The following TRPM3 variants were observed in gnomAD, a reference collection of about 807,000 sequenced individuals.
TRPM3 encodes the protein long transient receptor potential channel 3.
Under a neutral mutation model 181.2 loss-of-function variants are expected in TRPM3, and 77 were observed. That is an observed-to-expected ratio of 0.42 (90% CI 0.35 to 0.51). The LOEUF is 0.51. Among genes scored for constraint, TRPM3 ranks in the 20% least tolerant of loss-of-function variants. TRPM3 has a pLI of 0.01. For synonymous variants in TRPM3, 745 were observed against 796.4 expected (o/e 0.94, Z 1.09); for missense variants, 1,759 against 2,196.7 (o/e 0.80, Z 3.98).
chr9:71,068,474 G>A (rs571949478), intron 1 of TRPM3, among the ~76,000 whole-genome samples: 1 of 152,256 alleles, frequency 6.6e-6, no homozygotes, highest in South Asian at 2.1e-4. Flanking sequence ...GGTGGCAGTG[G>A]GACCAGGATG....
chr9:71,052,972 T>C (rs1254469190), intron 1 of TRPM3, among the ~76,000 whole-genome samples: 1 of 149,858 alleles, frequency 6.7e-6, no homozygotes, highest in Non-Finnish European at 1.5e-5. Flanking sequence ...GAAAATATAA[T>C]AACAAAAACA....
chr9:70,860,948 A>G (rs2095505296), intron 3 of TRPM3, among the ~76,000 whole-genome samples: 1 of 152,178 alleles, frequency 6.6e-6, no homozygotes, highest in Non-Finnish European at 1.5e-5. Context: ...AGAAAATTTA[A>G]GTAATTTTCT....
At chr9:71,145,618 G>T (rs2075362144) in intron 1 of TRPM3, among the ~76,000 whole-genome samples, 1 of 152,036 alleles carries the variant, frequency 6.6e-6, no homozygotes, top group African/African-American at 2.4e-5. Context: ...ATTTTCTCAT[G>T]TAAAATCCAT....
intron 8 of TRPM3, among the ~76,000 whole-genome samples, chr9:70,753,895 G>C (rs1415223586): frequency 6.6e-6 from 1 of 152,246 alleles, no homozygotes; most frequent in East Asian, 1.9e-4. Flanking sequence ...GGGGAGTAGA[G>C]TGAATGATAG....
rs905034688 is a variant in TRPM3, at chr9:70,599,088, C to T, written c.2797-418G>A. ...ACATCCTCTGCACCAAGTCCTATCA[C>T]CTCTATTTCTAAATGCAACCTAGCC... On this transcript the variant is annotated intron_variant, in intron 20 of 25. Transcript: ENST00000677713. Among the ~76,000 whole-genome samples, 3 of 152,108 alleles carry T rather than the reference C, an allele frequency of 2.0e-5. No homozygotes were observed. The South Asian group carries it at 6.2e-4, about 32-fold the overall frequency.
intron 1 of TRPM3, among the ~76,000 whole-genome samples, chr9:70,915,258 A>T (rs1347089112): frequency 6.6e-6 from 1 of 152,120 alleles, no homozygotes; most frequent in Admixed American, 6.5e-5. Flanking sequence ...AATTTTTAAA[A>T]ATCAAGGAGA....
At chr9:70,785,061 T>C (rs1163263446) in intron 6 of TRPM3, among the ~76,000 whole-genome samples, 1 of 152,138 alleles carries the variant, frequency 6.6e-6, no homozygotes, top group Non-Finnish European at 1.5e-5. Context: ...AACAGCATGA[T>C]TGTCATGTTG....
chr9:71,230,159 GCAACAA>G (rs2080955408), intron 1 of TRPM3, among the ~76,000 whole-genome samples: 1 of 152,140 alleles, frequency 6.6e-6, no homozygotes, highest in South Asian at 2.1e-4. Flanking sequence ...TCTGTCATTT[GCAACAA>G]CATGGATAGA....
intron 1 of TRPM3, among the ~76,000 whole-genome samples, chr9:71,186,014 C>A (rs1047660666): frequency 6.6e-6 from 1 of 152,012 alleles, no homozygotes; most frequent in Non-Finnish European, 1.5e-5. Context: ...TTGCCTCTTC[C>A]TAGCATCTGG....
intron 1 of TRPM3, among the ~76,000 whole-genome samples, chr9:70,917,734 G>C (rs2096615373): frequency 6.6e-6 from 1 of 151,846 alleles, no homozygotes. Context: ...AAAGAAGTCA[G>C]AGAAGACTAC....
chr9:70,761,490 G>A (rs1177169646), intron 8 of TRPM3, 111 bp downstream of exon 8: 14 of 1,505,974 alleles, frequency 9.3e-6, no homozygotes, highest in Non-Finnish European at 1.3e-5. Context: ...GAGGAGAGCT[G>A]TAAGCTCGGC....
chr9:71,227,449 G>C (rs1199455918), intron 1 of TRPM3, among the ~76,000 whole-genome samples: 2 of 151,850 alleles, frequency 1.3e-5, no homozygotes, highest in Non-Finnish European at 2.9e-5. Context: ...AACTAGAAAA[G>C]CAAGAGCAAA....
intron 9 of TRPM3, among the ~76,000 whole-genome samples, chr9:70,667,296 T>G (rs2134007797): frequency 6.6e-6 from 1 of 152,254 alleles, no homozygotes; most frequent in East Asian, 1.9e-4. Context: ...AAATCTTTTG[T>G]GTGAGTGTCT....
chr9:71,296,818 A>T (rs1416880969), intron 1 of TRPM3, among the ~76,000 whole-genome samples: 1 of 152,124 alleles, frequency 6.6e-6, no homozygotes, highest in Non-Finnish European at 1.5e-5. Context: ...GTTTTTAGAT[A>T]CATTTTGAAA....
chr9:71,312,365 C>T (rs1355513226), intron 1 of TRPM3, among the ~76,000 whole-genome samples: 1 of 152,086 alleles, frequency 6.6e-6, no homozygotes, highest in Non-Finnish European at 1.5e-5. Flanking sequence ...TACTGCATAT[C>T]TATTAAAATG....
intron 1 of TRPM3, among the ~76,000 whole-genome samples, chr9:71,162,096 A>G (rs1482191043): frequency 6.8e-6 from 1 of 146,768 alleles, no homozygotes; most frequent in African/African-American, 2.5e-5. Flanking sequence ...ACTACTGAGG[A>G]GGCTGAGACA....
At chr9:71,353,943 A>G (rs1022978892) in intron 1 of TRPM3, among the ~76,000 whole-genome samples, 2 of 152,200 alleles carry the variant, frequency 1.3e-5, no homozygotes, top group African/African-American at 4.8e-5. Context: ...GGTTGGTGAC[A>G]AAGCTTGGCC....
intron 1 of TRPM3, among the ~76,000 whole-genome samples, chr9:71,127,747 T>A (rs1031425286): frequency 6.6e-6 from 1 of 152,200 alleles, no homozygotes; most frequent in Non-Finnish European, 1.5e-5. Flanking sequence ...TGTAGCATAG[T>A]CCATAAGCGC....
chr9:70,603,904 AAGGAAG>A (rs1293579474), intron 19 of TRPM3, among the ~76,000 whole-genome samples: 10 of 152,198 alleles, frequency 6.6e-5, no homozygotes, highest in Admixed American at 2.0e-4. Flanking sequence ...GTGAGAAGCA[AAGGAAG>A]AGGAAGACAC....
Sources: gnomAD v4.1 joint callset for allele counts (sites outside exome capture counted in the v4.1 genomes callset) on GRCh38, gnomAD v4.1.1 for gene constraint, MANE v1.5 for transcripts, NCBI Gene and HGNC (gene_info 2026-07-23, HGNC 2026-07-21) for gene names.